ADGRL3: variants seen among roughly 807,000 people sequenced by gnomAD.
ADGRL3 encodes the protein calcium-independent alpha-latrotoxin receptor 3.
Under a neutral mutation model 153.5 loss-of-function variants are expected in ADGRL3, and 62 were observed. The observed-to-expected ratio is 0.40, with a 90% CI of 0.33 to 0.50. ADGRL3 has a LOEUF of 0.50. ADGRL3 is among the 20% of genes least tolerant of loss of function. ADGRL3 has a pLI of 0.47. For missense variants in ADGRL3, 1,641 were observed against 1,859.4 expected (o/e 0.88, Z 2.16); for synonymous variants, 710 against 672.5 (o/e 1.06, Z -0.86).
intron 2 of ADGRL3, among the ~76,000 whole-genome samples, chr4:61,452,325 A>T (rs1331416476): frequency 9.8e-6 from 1 of 101,826 alleles, no homozygotes; most frequent in Admixed American, 8.5e-5. Context: ...CCTTCTGCCC[A>T]GTTCTGCTTC....
chr4:61,761,761 C>T (rs962590877), intron 8 of ADGRL3, among the ~76,000 whole-genome samples: 1 of 152,196 alleles, frequency 6.6e-6, no homozygotes, highest in South Asian at 2.1e-4. Context: ...GCGACCCCAT[C>T]TCTACAAAAA....
intron 8 of ADGRL3, among the ~76,000 whole-genome samples, chr4:61,748,036 A>T (rs1481083370): frequency 1.3e-5 from 2 of 151,738 alleles, no homozygotes; most frequent in Non-Finnish European, 2.9e-5. Flanking sequence ...CAATGTACAA[A>T]AATCACAAGC....
In ADGRL3 at chr4:61,202,877, AT is replaced by A. The variant is rs1482870306; in HGVS notation, c.-240+1115del. On this transcript the variant is annotated intron_variant, in intron 1 of 26. Transcript: ENST00000683033. The surrounding 1 kb of genome is among the most constrained non-coding windows in gnomAD (Gnocchi z 5.0). The stretch of plus-strand genomic sequence containing the variant: ...TGCGCCCCAGGGACGGCAGAGAGAT[AT>A]TTGCGGGGATGCCGGAGCTGATGCT... Among the ~76,000 whole-genome samples the A allele has an allele frequency of 2.0e-5, 3 of 152,060 alleles. No homozygotes were observed. Among genetic ancestry groups the A allele is most frequent in the Non-Finnish European group, 4.4e-5 (3 of 68,000 alleles).
chr4:61,909,403 A>G (rs895944632), intron 11 of ADGRL3, among the ~76,000 whole-genome samples, 157 bp from the exon 12 acceptor site: 3 of 152,240 alleles, frequency 2.0e-5, no homozygotes, highest in Non-Finnish European at 4.4e-5. Context: ...ATTAATTCGC[A>G]GGAAAAATTG....
rs540938339 is a variant in ADGRL3, at chr4:61,572,414, T to C, written c.260-14813T>C. On this transcript the variant is annotated intron_variant, in intron 4 of 26. Coordinates refer to ENST00000683033, the MANE Select transcript of ADGRL3 (RefSeq NM_001387552.1). ...CAACTTGTCATGATCTTCTATTTTG[T>C]TCTGTGTACCAGTTTATAGCATAGT... 2.0e-5 allele frequency among the ~76,000 whole-genome samples: 3 copies of C among 152,244 alleles called. No individual in the cohort carries two copies. In the South Asian group the frequency reaches 6.2e-4, roughly 32 times the overall value.
At chr4:61,405,107 T>G (rs2096977523) in intron 2 of ADGRL3, among the ~76,000 whole-genome samples, 1 of 152,000 alleles carries the variant, frequency 6.6e-6, no homozygotes, top group Non-Finnish European at 1.5e-5. Context: ...TGAAATGAAA[T>G]TCATTGAGGA....
rs143592301 is a variant in ADGRL3 at position 61,934,640 on chromosome 4, C to T, written c.2113-200C>T. Among the ~76,000 whole-genome samples, 35 of 152,246 alleles carry T rather than the reference C, an allele frequency of 2.3e-4. No homozygotes were observed. The East Asian group carries it at 6.4e-3, about 28-fold the overall frequency. ...AAAACAAAAACAGGTTTTCCTCTTG[C>T]GTTGCAAAGTCTCAGCTAGGGTTTT... is the stretch of plus-strand genomic sequence containing the variant. On this transcript the variant is annotated intron_variant, in intron 13 of 26. Coordinates refer to ENST00000683033, the MANE Select transcript of ADGRL3 (RefSeq NM_001387552.1).
In ADGRL3 at chr4:62,044,490, A is replaced by G. The variant is rs1730050890; in HGVS notation, c.3755A>G (p.Lys1252Arg). 2 of 1,598,438 alleles carry G rather than the reference A, an allele frequency of 1.3e-6. No individual in the cohort carries two copies. Among genetic ancestry groups the G allele is most frequent in the South Asian group, 2.3e-5 (2 of 87,934 alleles). ...AGAATGTGGAATGACACGGTTCGAA[A>G]GCAGTCAGAGTCTTCCTTTATTACT... ...IRRMWNDTVR[K>R]QSESSFITGD... is the part of the protein sequence containing the mutation. Residue 1252 changes from lysine to arginine, a missense_variant, in exon 25 of 27, where the codon AAG (lysine) becomes AGG (arginine). Transcript: ENST00000683033.
intron 17 of ADGRL3, among the ~76,000 whole-genome samples, chr4:61,966,392 G>A (rs1369269294): frequency 6.6e-6 from 1 of 151,964 alleles, no homozygotes; most frequent in African/African-American, 2.4e-5. Context: ...CTTTCTCACT[G>A]TGGTGAATTT....
At position 61,411,843 on chromosome 4, in the gene ADGRL3, G is replaced by A. The variant is rs546535641; in HGVS notation, c.-174+28654G>A. On this transcript the variant is annotated intron_variant, in intron 2 of 26. Coordinates refer to ENST00000683033, the MANE Select transcript of ADGRL3 (RefSeq NM_001387552.1). ...TTCCCCAAACATTTTCAGGAGAAAT[G>A]ATATTGAAGAGAAAATCACTTTGAA... 3.3e-5 allele frequency among the ~76,000 whole-genome samples: 5 copies of A among 152,232 alleles called. No homozygotes were observed. In the South Asian group the frequency reaches 1.0e-3, roughly 32 times the overall value.
chr4:61,928,323 T>C (rs983120703), intron 13 of ADGRL3, among the ~76,000 whole-genome samples: 8 of 152,166 alleles, frequency 5.3e-5, no homozygotes, highest in Non-Finnish European at 1.0e-4. Context: ...AGCTTTGGAT[T>C]TCCTCTTCGG....
chr4:61,535,307 A>G (rs2098648844), intron 4 of ADGRL3, among the ~76,000 whole-genome samples: 1 of 151,886 alleles, frequency 6.6e-6, no homozygotes, highest in Non-Finnish European at 1.5e-5. Context: ...ATCGTGATGG[A>G]TTATTTTTGG....
chr4:61,433,744 A>G (rs368592559), intron 2 of ADGRL3, among the ~76,000 whole-genome samples: 97 of 152,306 alleles, frequency 6.4e-4, no homozygotes, highest in African/African-American at 2.2e-3. Context: ...CCAGACTCAT[A>G]TAATCAGCTG....
chr4:61,971,305 C>T (rs965675989), intron 17 of ADGRL3, among the ~76,000 whole-genome samples: 6 of 152,066 alleles, frequency 3.9e-5, no homozygotes, highest in East Asian at 3.9e-4. Flanking sequence ...TATCCCTCCC[C>T]GCTCCCACCA....
chr4:61,366,653 G>T (rs1316360861), intron 1 of ADGRL3, among the ~76,000 whole-genome samples: 5 of 151,954 alleles, frequency 3.3e-5, no homozygotes, highest in Non-Finnish European at 7.4e-5. Context: ...ATTTTTATTT[G>T]CTATTTAATA....
chr4:61,932,044 T>C (rs1263655999), intron 13 of ADGRL3, among the ~76,000 whole-genome samples: 2 of 152,012 alleles, frequency 1.3e-5, no homozygotes, highest in Admixed American at 6.6e-5. Flanking sequence ...CATATATATA[T>C]ACACATACAC....
chr4:61,710,218 G>C (rs1394802901), intron 6 of ADGRL3, among the ~76,000 whole-genome samples: 1 of 152,200 alleles, frequency 6.6e-6, no homozygotes, highest in South Asian at 2.1e-4. Flanking sequence ...GTGAAATCCT[G>C]TGTGTCTATA....
chr4:61,648,788 A>G (rs1443529586), intron 5 of ADGRL3, among the ~76,000 whole-genome samples: 3 of 151,990 alleles, frequency 2.0e-5, no homozygotes. Context: ...CATTTCAATT[A>G]CTTCTCATCT....
chr4:61,690,842 T>A (rs2151122985), intron 6 of ADGRL3, among the ~76,000 whole-genome samples: 1 of 152,274 alleles, frequency 6.6e-6, no homozygotes, highest in Non-Finnish European at 1.5e-5. Flanking sequence ...TATCAAGAGC[T>A]ACTCATTCAG....
Sources: allele counts gnomAD v4.1 joint callset (sites outside exome capture counted in the v4.1 genomes callset), GRCh38; gene constraint gnomAD v4.1.1; non-coding constraint Gnocchi (gnomAD v3.1); transcripts MANE v1.5; gene names NCBI Gene and HGNC (gene_info 2026-07-23, HGNC 2026-07-21).